HIP1: variants seen among roughly 807,000 people sequenced by gnomAD.
HIP1 encodes huntingtin-interacting protein 1.
HIP1 carries 65 observed loss-of-function variants against 147.6 expected under a neutral mutation model. That is an observed-to-expected ratio of 0.44 (90% CI 0.36 to 0.54). The LOEUF (loss-of-function observed/expected upper bound fraction) is 0.54. HIP1 is among the 20% of genes least tolerant of loss of function. The pLI is 0.00. For synonymous variants in HIP1, 479 were observed against 504.0 expected (o/e 0.95, Z 0.67); for missense variants, 1,061 against 1,299.6 (o/e 0.82, Z 2.82).
chr7:75,538,073 G>GC lies in HIP1; in HGVS notation c.*98dup. On this transcript the variant is annotated 3_prime_UTR_variant, in exon 31 of 31. Coordinates refer to ENST00000336926, the MANE Select transcript of HIP1 (RefSeq NM_005338.7). ...ACTGGGTAATGGCAGTGGTGTGGCT[G>GC]CCCCTGGGACTCCAAGGATTTGGCC... 1.1e-6 allele frequency: 1 copy of GC among 937,974 alleles called. No homozygotes were observed. 58.1% of individuals were successfully genotyped at this position (937,974 alleles called of 1,614,324 possible).
chr7:75,629,307 TAG>T (rs1554508513), intron 1 of HIP1, among the ~76,000 whole-genome samples: 1 of 152,128 alleles, frequency 6.6e-6, no homozygotes, highest in Non-Finnish European at 1.5e-5. Flanking sequence ...CTGGCTCTAC[TAG>T]AGACTTGCTG....
At chr7:75,585,972 G>A (rs1047511656) in intron 5 of HIP1, among the ~76,000 whole-genome samples, 5 of 145,392 alleles carry the variant, frequency 3.4e-5, no homozygotes, top group Middle Eastern at 4.2e-3. Flanking sequence ...ACACTACCAC[G>A]CCCGGCTAAT....
chr7:75,644,620 G>A (rs782044351), intron 1 of HIP1, among the ~76,000 whole-genome samples: 2 of 151,948 alleles, frequency 1.3e-5, no homozygotes, highest in African/African-American at 4.8e-5. Flanking sequence ...AAGATTAAAC[G>A]TAAGAAAAAA....
At chr7:75,676,837 TTA>T (rs782489497) in intron 1 of HIP1, among the ~76,000 whole-genome samples, 11 of 151,122 alleles carry the variant, frequency 7.3e-5, no homozygotes, top group Non-Finnish European at 1.6e-4. Context: ...TTTTAAAACT[TTA>T]TGTTAGTCTA....
intron 1 of HIP1, among the ~76,000 whole-genome samples, chr7:75,729,524 G>T (rs1450390162): frequency 6.6e-6 from 1 of 151,722 alleles, no homozygotes; most frequent in Admixed American, 6.6e-5. Flanking sequence ...AATGGCTCAC[G>T]CCTGTATTCC....
chr7:75,599,774 G>C lies in HIP1; in HGVS notation c.121-527C>G, dbSNP rs371555997. ...TTCCAACTTCTAAGCAAATTCCCTT[G>C]TACTTCCTTAATGACATCAAGGGAC... On this transcript the variant is annotated intron_variant, in intron 1 of 30. Coordinates refer to ENST00000336926, the MANE Select transcript of HIP1 (RefSeq NM_005338.7). Among the ~76,000 whole-genome samples, 360 of 151,366 alleles carry C rather than the reference G, an allele frequency of 2.4e-3. 7 individuals carry two copies. The South Asian group carries it at 0.049, about 21-fold the overall frequency.
At chr7:75,642,104 GA>G (rs540427430) in intron 1 of HIP1, among the ~76,000 whole-genome samples, 4 of 151,882 alleles carry the variant, frequency 2.6e-5, no homozygotes, top group African/African-American at 9.7e-5. Context: ...TAGAAAAAAA[GA>G]AAAAAACAAC....
chr7:75,616,348 C>T (rs926264807), intron 1 of HIP1, among the ~76,000 whole-genome samples: 2 of 152,014 alleles, frequency 1.3e-5, no homozygotes, highest in African/African-American at 2.4e-5. Flanking sequence ...TAGCTCACTA[C>T]AGCCTTGAAC....
intron 1 of HIP1, among the ~76,000 whole-genome samples, chr7:75,633,843 G>C (rs1443168914): frequency 6.6e-6 from 1 of 152,134 alleles, no homozygotes. Context: ...CATTTACTCA[G>C]AACATCTGAA....
intron 1 of HIP1, among the ~76,000 whole-genome samples, chr7:75,645,293 C>G (rs1798767090): frequency 1.3e-5 from 2 of 152,120 alleles, no homozygotes; most frequent in Admixed American, 6.6e-5. Flanking sequence ...ATGGTGCAAT[C>G]TTGGCTCACT....
At chr7:75,558,035 G>T (rs1482481829) in intron 15 of HIP1, 132 bp downstream of exon 15, 3 of 744,934 alleles carry the variant, frequency 4.0e-6, no homozygotes, top group Non-Finnish European at 6.9e-6. Flanking sequence ...AAAAGGTGTG[G>T]TTCCCGAGAT....
intron 1 of HIP1, 80 bp from the exon 2 acceptor site, chr7:75,599,327 C>A: frequency 8.9e-7 from 1 of 1,119,432 alleles, no homozygotes; most frequent in South Asian, 1.2e-5. Context: ...CCCAGATGCC[C>A]GCCCCTTTCT....
intron 9 of HIP1, among the ~76,000 whole-genome samples, chr7:75,567,204 T>C (rs1795442010): frequency 1.3e-5 from 2 of 150,398 alleles, no homozygotes; most frequent in African/African-American, 5.0e-5. Flanking sequence ...AAAGTACAGT[T>C]TGAGATTTAA....
intron 18 of HIP1, 116 bp downstream of exon 18, chr7:75,555,910 G>T: frequency 7.8e-7 from 1 of 1,280,914 alleles, no homozygotes; most frequent in Non-Finnish European, 1.1e-6. Context: ...GCACAATCAG[G>T]CCAAGGCCCC....
At chr7:75,595,030 A>G (rs377337873) in intron 2 of HIP1, among the ~76,000 whole-genome samples, 1 of 152,282 alleles carries the variant, frequency 6.6e-6, no homozygotes, top group African/African-American at 2.4e-5. Context: ...CATCTCAGGT[A>G]GGAAACTAAA....
intron 25 of HIP1, among the ~76,000 whole-genome samples, chr7:75,546,013 T>A (rs1794548904): frequency 6.6e-6 from 1 of 152,110 alleles, no homozygotes; most frequent in Non-Finnish European, 1.5e-5. Flanking sequence ...CCCAAGGTCA[T>A]GCAGGAAATA....
intron 4 of HIP1, among the ~76,000 whole-genome samples, chr7:75,589,019 A>G (rs1454857991): frequency 6.6e-6 from 1 of 151,624 alleles, no homozygotes; most frequent in African/African-American, 2.4e-5. Context: ...GCGTGGTGGC[A>G]CATGCCTGTA....
intron 22 of HIP1, among the ~76,000 whole-genome samples, chr7:75,550,666 G>C (rs1794748114): frequency 6.6e-6 from 1 of 152,152 alleles, no homozygotes; most frequent in Non-Finnish European, 1.5e-5. Context: ...TCCCGCTTCG[G>C]CCTCCCAAAG....
At chr7:75,718,449 C>A (rs1801388595) in intron 1 of HIP1, among the ~76,000 whole-genome samples, 3 of 152,140 alleles carry the variant, frequency 2.0e-5, no homozygotes, top group Non-Finnish European at 4.4e-5. Context: ...TGAGAGAATG[C>A]TGTTTTTTGG....
Sources: gnomAD v4.1 joint callset for allele counts (sites outside exome capture counted in the v4.1 genomes callset) on GRCh38, gnomAD v4.1.1 for gene constraint, MANE v1.5 for transcripts, NCBI Gene and HGNC (gene_info 2026-07-23, HGNC 2026-07-21) for gene names.